ASTN2: variants seen among roughly 807,000 people sequenced by gnomAD.
The protein encoded by ASTN2 is astrotactin 2, also known as astrotactin-2.
In ASTN2, 54 loss-of-function variants were observed where a neutral mutation model predicts 139.8. The observed-to-expected ratio is 0.39, with a 90% CI of 0.31 to 0.48. The LOEUF is 0.48. Ranked by LOEUF, ASTN2 falls within the 20% of genes least tolerant of loss-of-function variation. The pLI, the probability that ASTN2 is intolerant of heterozygous loss-of-function variation, is 0.95. For missense variants in ASTN2, 1,565 were observed against 1,725.1 expected, an observed-to-expected ratio of 0.91 and a Z score of 1.64; for synonymous variants, 756 against 719.5, an observed-to-expected ratio of 1.05 and a Z score of -0.81.
At chr9:117,028,257 T>A (rs915932800) in intron 6 of ASTN2, among the ~76,000 whole-genome samples, 1 of 152,134 alleles carries the variant, frequency 6.6e-6, no homozygotes, top group African/African-American at 2.4e-5. Context: ...CTCCAGCTGA[T>A]GATGAGATGC....
chr9:116,877,680 A>G (rs1320663945), intron 10 of ASTN2, among the ~76,000 whole-genome samples: 1 of 152,164 alleles, frequency 6.6e-6, no homozygotes, highest in Non-Finnish European at 1.5e-5. Flanking sequence ...GTGAGGTTTC[A>G]TCACACCCAG....
Position 116,669,208 on chromosome 9 carries a change from C to T in ASTN2, c.2807-17415G>A, listed in dbSNP as rs888268072. Reference sequence around the variant, plus strand: ...TGTCCCATGAACCAGAAGTTACCACCCTTATCCTAGGAATTTCTGCATAAA... The same window carrying T: ...TGTCCCATGAACCAGAAGTTACCACTCTTATCCTAGGAATTTCTGCATAAA... On this transcript the variant is annotated intron_variant, in intron 16 of 22. Transcript: ENST00000313400. Among the ~76,000 whole-genome samples, 11 of 152,286 alleles carry T rather than the reference C, an allele frequency of 7.2e-5. No individual in the cohort carries two copies. The South Asian group carries it at 2.3e-3, about 32-fold the overall frequency.
At chr9:116,733,886 A>G (rs1166298122) in intron 13 of ASTN2, among the ~76,000 whole-genome samples, 1 of 152,204 alleles carries the variant, frequency 6.6e-6, no homozygotes, top group Non-Finnish European at 1.5e-5. Flanking sequence ...CTGATGCTCT[A>G]TAAACTGTAT....
chr9:117,084,205 T>A (rs1572157), intron 5 of ASTN2, among the ~76,000 whole-genome samples: 1 of 151,906 alleles, frequency 6.6e-6, no homozygotes, highest in Admixed American at 6.6e-5. Flanking sequence ...CAAAGCTAGG[T>A]TTCTGTATTT....
intron 2 of ASTN2, among the ~76,000 whole-genome samples, chr9:117,243,552 G>A (rs1833278348): frequency 6.6e-6 from 1 of 152,170 alleles, no homozygotes; most frequent in South Asian, 2.1e-4. Flanking sequence ...GCCCTGCTAA[G>A]TGTTTTATTG....
chr9:117,158,171 A>G (rs1830471018), intron 3 of ASTN2, among the ~76,000 whole-genome samples: 1 of 152,088 alleles, frequency 6.6e-6, no homozygotes, highest in Non-Finnish European at 1.5e-5. Flanking sequence ...TAGTCAGGGT[A>G]CTAACCCAGT....
intron 5 of ASTN2, among the ~76,000 whole-genome samples, chr9:117,082,352 G>T (rs1184932094): frequency 4.6e-5 from 7 of 152,122 alleles, no homozygotes; most frequent in Non-Finnish European, 1.0e-4. Context: ...GTCAGTCATT[G>T]GGTTCCTCTA....
At chr9:116,786,338 TC>T (rs1033959912) in intron 13 of ASTN2, among the ~76,000 whole-genome samples, 4 of 152,192 alleles carry the variant, frequency 2.6e-5, no homozygotes, top group Non-Finnish European at 5.9e-5. Flanking sequence ...TTGTTGATTG[TC>T]CCCTACACTA....
intron 12 of ASTN2, 46 bp from the exon 13 acceptor site, chr9:116,805,866 C>T (rs1210286892): frequency 1.3e-6 from 2 of 1,586,746 alleles, no homozygotes; most frequent in South Asian, 2.3e-5. Flanking sequence ...ATCCTGAATG[C>T]CCCCATTGGG....
chr9:117,047,161 G>A (rs1838771820), intron 5 of ASTN2, among the ~76,000 whole-genome samples: 1 of 152,222 alleles, frequency 6.6e-6, no homozygotes, highest in Non-Finnish European at 1.5e-5. Context: ...CATCTGACAA[G>A]TGCAAGTGTC....
chr9:116,714,756 G>A (rs936760432), intron 16 of ASTN2, among the ~76,000 whole-genome samples: 3 of 152,190 alleles, frequency 2.0e-5, no homozygotes, highest in African/African-American at 4.8e-5. Context: ...TATGAGCCAC[G>A]TAATCACATG....
intron 2 of ASTN2, among the ~76,000 whole-genome samples, chr9:117,289,014 C>T (rs751537511): frequency 4.6e-5 from 7 of 152,162 alleles, no homozygotes; most frequent in Non-Finnish European, 7.4e-5. Flanking sequence ...GGCTCATACC[C>T]GAGTTCAGTG....
At chr9:116,453,015 C>G (rs1429379842) in intron 20 of ASTN2, among the ~76,000 whole-genome samples, 1 of 152,110 alleles carries the variant, frequency 6.6e-6, no homozygotes, top group Non-Finnish European at 1.5e-5. Flanking sequence ...GCAGAGGCCA[C>G]CAACTTGGAT....
intron 1 of ASTN2, among the ~76,000 whole-genome samples, chr9:117,313,481 A>G (rs959668270): frequency 1.3e-5 from 2 of 152,130 alleles, no homozygotes; most frequent in African/African-American, 4.8e-5. Flanking sequence ...GGTGGCGCAA[A>G]GAAGAAGATG....
intron 16 of ASTN2, among the ~76,000 whole-genome samples, chr9:116,695,848 G>A (rs939207519): frequency 3.3e-5 from 5 of 152,130 alleles, no homozygotes; most frequent in African/African-American, 7.2e-5. Context: ...ATTGGGTGAC[G>A]CAGAGGGTAC....
chr9:116,749,878 G>T (rs1829352549), intron 13 of ASTN2, among the ~76,000 whole-genome samples: 1 of 152,230 alleles, frequency 6.6e-6, no homozygotes, highest in East Asian at 1.9e-4. Flanking sequence ...GATATGCCCA[G>T]CTCCCCCTAC....
intron 1 of ASTN2, among the ~76,000 whole-genome samples, chr9:117,407,800 C>G (rs1264484746): frequency 1.3e-5 from 2 of 152,126 alleles, no homozygotes; most frequent in South Asian, 4.1e-4. Context: ...GCTGTCTGCT[C>G]CATTGCAAGG....
intron 10 of ASTN2, among the ~76,000 whole-genome samples, chr9:116,911,497 G>A (rs1244816928): frequency 6.6e-6 from 1 of 152,088 alleles, no homozygotes; most frequent in African/African-American, 2.4e-5. Flanking sequence ...GGATATTAGT[G>A]GAAAAACTGG....
chr9:116,502,877 G>C (rs775050764), intron 19 of ASTN2, among the ~76,000 whole-genome samples: 1 of 139,618 alleles, frequency 7.2e-6, no homozygotes, highest in Non-Finnish European at 1.6e-5. Context: ...AGAAAAAAGA[G>C]AGGAAGGAAA....
Sources: gnomAD v4.1 joint callset for allele counts (sites outside exome capture counted in the v4.1 genomes callset) on GRCh38, gnomAD v4.1.1 for gene constraint, MANE v1.5 for transcripts, NCBI Gene and HGNC (gene_info 2026-07-23, HGNC 2026-07-21) for gene names.